TMEM178A: variants seen among roughly 807,000 people sequenced by gnomAD.
The protein encoded by TMEM178A is transmembrane protein 178A.
Under a neutral mutation model 29.1 loss-of-function variants are expected in TMEM178A, and 12 were observed. That is an observed-to-expected ratio of 0.41 (90% confidence interval 0.26 to 0.67). The LOEUF is 0.67. Among genes scored for constraint, TMEM178A ranks in the 30% least tolerant of loss-of-function variants. TMEM178A has a pLI of 0.29. For synonymous variants in TMEM178A, 210 were observed against 187.2 expected (o/e 1.12, Z -0.99); for missense variants, 366 against 419.1 (o/e 0.87, Z 1.11).
chr2:39,729,625 A>G, the TMEM178A span, among the ~76,000 whole-genome samples: 1 of 152,192 alleles, frequency 6.6e-6, no homozygotes, highest in East Asian at 1.9e-4. Flanking sequence ...TCCCCTTCTG[A>G]CAAGGGTAAC....
At chr2:39,692,745 A>C (rs1671377464) in intron 1 of TMEM178A, among the ~76,000 whole-genome samples, 2 of 152,216 alleles carry the variant, frequency 1.3e-5, no homozygotes, top group Non-Finnish European at 2.9e-5. Context: ...TCAAGACAAT[A>C]ATGTGAGATT....
chr2:39,677,447 T>C (rs1461138428), intron 1 of TMEM178A, among the ~76,000 whole-genome samples: 1 of 152,230 alleles, frequency 6.6e-6, no homozygotes, highest in Non-Finnish European at 1.5e-5. Context: ...TCCTTGCTAT[T>C]GCCAGTGTCC....
chr2:39,715,344 A>G (rs1304286081), intron 3 of TMEM178A, among the ~76,000 whole-genome samples: 1 of 152,178 alleles, frequency 6.6e-6, no homozygotes, highest in Non-Finnish European at 1.5e-5. Flanking sequence ...CTATTGTTCT[A>G]TTACCAGCAT....
chr2:39,694,004 A>C (rs115329990), intron 1 of TMEM178A, among the ~76,000 whole-genome samples: 2 of 144,734 alleles, frequency 1.4e-5, no homozygotes, highest in African/African-American at 5.2e-5. Context: ...GATGTTTACT[A>C]TCTCTGAAAT....
At position 39,687,830 on chromosome 2, in the gene TMEM178A, A is replaced by G. The variant is rs537424784; in HGVS notation, c.401-16251A>G. Among the ~76,000 whole-genome samples the G allele has an allele frequency of 6.6e-5, 10 of 152,384 alleles. No individual in the cohort carries two copies. In the East Asian group the frequency reaches 1.2e-3, roughly 18 times the overall value. On this transcript the variant is annotated intron_variant, in intron 1 of 3. Coordinates refer to ENST00000281961, the MANE Select transcript of TMEM178A (RefSeq NM_152390.3). ...CACTTGAAAGGGTTAACTGGGCATG[A>G]TCAGATGTAGTCATAGTGATTCTTA...
At chr2:39,684,238 A>G (rs374479386) in intron 1 of TMEM178A, among the ~76,000 whole-genome samples, 24 of 152,312 alleles carry the variant, frequency 1.6e-4, no homozygotes, top group South Asian at 8.3e-4. Context: ...TATTGCTATC[A>G]GTTTGATAGG....
At chr2:39,699,604 G>A (rs1424707142) in intron 1 of TMEM178A, among the ~76,000 whole-genome samples, 4 of 151,730 alleles carry the variant, frequency 2.6e-5, no homozygotes, top group Admixed American at 1.3e-4. Context: ...CTACAGGTGC[G>A]TGCCATCATG....
In TMEM178A at chr2:39,666,108, G is replaced by C. The variant is rs1410416897; in HGVS notation, c.134G>C (p.Arg45Pro). The change falls in exon 1 of 4, where the codon CGC becomes CCC. Residue 45 changes from arginine (R) to proline (P), a missense_variant. By Grantham distance (103) the Arg-to-Pro change is moderately radical. Transcript: ENST00000281961. ...CGGCGCCACAAGGAGAGCTGCGAGC[G>C]CAGCCGCGCGGGCGCCGACCCCCCG... The part of the protein sequence containing the change: ...DPRRHKESCE[R>P]SRAGADPPDQ... 4 of 1,559,044 alleles carry C rather than the reference G, an allele frequency of 2.6e-6. No homozygotes were observed.
In TMEM178A at chr2:39,717,483, G is replaced by C; in HGVS notation, c.*232G>C. ...GCGTTGACTGTGAGAATAGGGAGCA[G>C]TGCCATGGGACATTTCTAGGTGTAG... On this transcript the variant is annotated 3_prime_UTR_variant, in exon 4 of 4. Transcript: ENST00000281961. 2.2e-6 allele frequency: 1 copy of C among 446,142 alleles called. No individual in the cohort carries two copies. Among genetic ancestry groups the C allele is most frequent in the Non-Finnish European group, 3.8e-6 (1 of 262,204 alleles). 27.6% of individuals were successfully genotyped at this position (446,142 alleles called of 1,614,324 possible).
chr2:39,689,137 A>T (rs1421152602), intron 1 of TMEM178A, among the ~76,000 whole-genome samples: 1 of 152,240 alleles, frequency 6.6e-6, no homozygotes, highest in African/African-American at 2.4e-5. Flanking sequence ...GTGTAGCTCA[A>T]TACGAAGGAT....
chr2:39,672,172 T>A (rs1670433032), intron 1 of TMEM178A, among the ~76,000 whole-genome samples: 1 of 152,230 alleles, frequency 6.6e-6, no homozygotes, highest in South Asian at 2.1e-4. Flanking sequence ...ATTAAATTCT[T>A]GCCACTCTGC....
intron 1 of TMEM178A, among the ~76,000 whole-genome samples, chr2:39,695,952 TATATC>T (rs1324290856): frequency 1.3e-5 from 2 of 152,194 alleles, no homozygotes; most frequent in Non-Finnish European, 2.9e-5. Context: ...AATACATAAT[TATATC>T]ATAGCAAGTG....
chr2:39,698,288 ACT>A (rs1429078822), intron 1 of TMEM178A, among the ~76,000 whole-genome samples: 3 of 152,308 alleles, frequency 2.0e-5, no homozygotes, highest in East Asian at 3.9e-4. Context: ...TAGTTACTTA[ACT>A]CTCTGAGCTT....
At chr2:39,690,576 C>T (rs1671270946) in intron 1 of TMEM178A, among the ~76,000 whole-genome samples, 1 of 152,122 alleles carries the variant, frequency 6.6e-6, no homozygotes, top group South Asian at 2.1e-4. Context: ...ACAGGTGTGT[C>T]CATAAATATG....
Position 39,717,099 on chromosome 2 carries a change from G to T in TMEM178A, c.742G>T (p.Ala248Ser), listed in dbSNP as rs1201893877. 1 of 1,612,188 alleles carries T rather than the reference G, an allele frequency of 6.2e-7. No homozygotes were observed. The highest frequency in any genetic ancestry group is 8.5e-7 in the Non-Finnish European group (1 of 1,179,732). ...CCCAAAGCTAATTTATAGCCTGCCT[G>T]CTGATGTGGAACATGGTTACAGCTG... ...RLPKLIYSLP[A>S]DVEHGYSWSI... The change falls in exon 4 of 4, where the codon GCT (alanine) becomes TCT (serine). Residue 248 changes from alanine (A) to serine (S), a missense_variant. Ala to Ser is a moderately conservative substitution (Grantham distance 99). Transcript: ENST00000281961.
rs1028322704 is a variant in TMEM178A at position 39,685,403 on chromosome 2, T to C, written c.401-18678T>C. ...TGTTCTATGATTTCAGAACACTCAG[T>C]ACTTCTCCTTTATGTCAGAGTTGTA... is the stretch of plus-strand genomic sequence containing the variant. On this transcript the variant is annotated intron_variant, in intron 1 of 3. Coordinates refer to ENST00000281961, the MANE Select transcript of TMEM178A (RefSeq NM_152390.3). Among the ~76,000 whole-genome samples the C allele has an allele frequency of 7.2e-5, 11 of 152,262 alleles. 1 individual carries two copies.
chr2:39,731,605 T>C, the TMEM178A span, among the ~76,000 whole-genome samples: 5 of 152,202 alleles, frequency 3.3e-5, no homozygotes, highest in African/African-American at 1.2e-4. Context: ...ATGAGGGATA[T>C]CTACCGACAT....
intron 3 of TMEM178A, among the ~76,000 whole-genome samples, chr2:39,708,983 G>T (rs895714204): frequency 1.2e-4 from 18 of 152,156 alleles, no homozygotes; most frequent in Non-Finnish European, 2.6e-4. Context: ...AATATTCCCC[G>T]AGATAGATAG....
the TMEM178A span, among the ~76,000 whole-genome samples, chr2:39,725,885 T>G: frequency 1.3e-5 from 2 of 152,298 alleles, no homozygotes; most frequent in African/African-American, 4.8e-5. Flanking sequence ...CTCAATACTG[T>G]GGAACAAAGA....
Sources: allele counts gnomAD v4.1 joint callset (sites outside exome capture counted in the v4.1 genomes callset), GRCh38; gene constraint gnomAD v4.1.1; transcripts MANE v1.5; gene names NCBI Gene and HGNC (gene_info 2026-07-23, HGNC 2026-07-21).